EPSTI1: variants seen among roughly 807,000 people sequenced by gnomAD.
EPSTI1 encodes epithelial stromal interaction 1.
In EPSTI1, 66 loss-of-function variants were observed where a neutral mutation model predicts 49.9. The ratio of observed to expected loss-of-function variants is 1.32; its 90% CI spans 1.08 to 1.62. The LOEUF is 1.62. EPSTI1 is among the 40% of genes most tolerant of loss of function. The pLI, the probability that EPSTI1 is intolerant of heterozygous loss-of-function variation, is 0.00. For missense variants in EPSTI1, 394 were observed against 365.5 expected (o/e 1.08, Z -0.64); for synonymous variants, 137 against 130.7 (o/e 1.05, Z -0.33).
intron 1 of EPSTI1, among the ~76,000 whole-genome samples, chr13:42,974,900 A>G (rs903294238): frequency 1.3e-5 from 2 of 152,336 alleles, no homozygotes; most frequent in Admixed American, 1.3e-4. Context: ...GGTTTGACAG[A>G]AAAAGAAATG....
At position 42,964,025 on chromosome 13, in the gene EPSTI1, T is replaced by C. The variant is rs199553258; in HGVS notation, c.405+41A>G. 6.4e-6 allele frequency: 10 copies of C among 1,555,968 alleles called. No homozygotes were observed. The East Asian group carries it at 1.1e-4, about 18-fold the overall frequency. ...AGTTACTTGTAAGAGCTGGTACTCA[T>C]ATTCCTTACCAAAATTCAACTAAAA... On this transcript the variant is annotated intron_variant, in intron 4 of 10. Coordinates refer to ENST00000313624, the MANE Select transcript of EPSTI1 (RefSeq NM_033255.5).
rs768077727 is a variant in EPSTI1, at chr13:42,969,099, C to T, written c.326G>A (p.Arg109Gln). The part of the protein sequence containing the change: ...RAKPVHLVPR[R>Q]LGGSQSETEV... ...CAGCGGCTGTGCTTGCTTACCTAGC[C>T]GTCTGGGCACCAGGTGAACCGGTTT... The change falls in exon 3 of 11, where the codon CGG (arginine) becomes CAG (glutamine). Residue 109 changes from arginine (R) to glutamine (Q), a missense_variant. Coordinates refer to ENST00000313624, the MANE Select transcript of EPSTI1 (RefSeq NM_033255.5). The T allele has an allele frequency of 1.9e-6, 3 of 1,614,030 alleles. No individual in the cohort carries two copies. The highest frequency in any genetic ancestry group is 1.1e-5 in the South Asian group (1 of 91,078).
chr13:42,932,826 G>T (rs1330775039), intron 6 of EPSTI1, among the ~76,000 whole-genome samples: 1 of 152,150 alleles, frequency 6.6e-6, no homozygotes, highest in African/African-American at 2.4e-5. Flanking sequence ...TAAGGATACT[G>T]ATCATCATGT....
intron 6 of EPSTI1, among the ~76,000 whole-genome samples, chr13:42,939,689 C>G (rs947459712): frequency 5.9e-5 from 9 of 152,064 alleles, no homozygotes; most frequent in Admixed American, 4.6e-4. Flanking sequence ...TCATGGATCA[C>G]CAAATCAGAT....
In EPSTI1 at chr13:42,895,049, T is replaced by C; in HGVS notation, c.875A>G (p.Gln292Arg). 6.2e-7 allele frequency: 1 copy of C among 1,613,580 alleles called. No individual in the cohort carries two copies. Among genetic ancestry groups the C allele is most frequent in the Non-Finnish European group, 8.5e-7 (1 of 1,179,706 alleles). Residue 292 changes from glutamine to arginine, a missense_variant, in exon 10 of 11, where the codon CAA (glutamine) becomes CGA (arginine). Transcript: ENST00000313624. ...QGKSQPGGLE[Q>R]SGGCWNMNSG... ...ATTCATATTCCAACAGCCTCCAGAT[T>C]GCTCGAGGCCACCTGGTTGACTTTT...
Position 42,969,117 on chromosome 13 carries a change from A to G in EPSTI1, c.308T>C (p.Val103Ala). ...KWKEQNRAKP[V>A]HLVPRRLGGS... ...ACCTAGCCGTCTGGGCACCAGGTGA[A>G]CCGGTTTAGCTCTGTTCTGCTCCTT... The change falls in exon 3 of 11, where the codon GTT becomes GCT. Residue 103 changes from valine to alanine, a missense_variant. Coordinates refer to ENST00000313624, the MANE Select transcript of EPSTI1 (RefSeq NM_033255.5). 1 of 1,614,136 alleles carries G rather than the reference A, an allele frequency of 6.2e-7. No homozygotes were observed. Among genetic ancestry groups the G allele is most frequent in the Non-Finnish European group, 8.5e-7 (1 of 1,180,026 alleles).
rs2281812 is a variant in EPSTI1 at position 42,887,283 on chromosome 13, C to T, written c.*1211G>A. On this transcript the variant is annotated 3_prime_UTR_variant, in exon 11 of 11. Transcript: ENST00000313624. ...CCTGACACCATCTGTTCTCTGTTAC[C>T]CCCCACCCACCAATGTGGCCCTTTC... is the stretch of plus-strand genomic sequence containing the variant. The T allele has an allele frequency of 0.25, 38,164 of 152,042 alleles. 5,216 individuals are homozygous for T. The highest frequency in any genetic ancestry group is 0.59 in the East Asian group (3,030 of 5,176). 9.4% of individuals were successfully genotyped at this position (152,042 alleles called of 1,614,324 possible). A position where few individuals can be genotyped will look rare whatever the true frequency, so the allele number is the denominator to read the frequency against.
intron 7 of EPSTI1, among the ~76,000 whole-genome samples, chr13:42,920,590 G>A (rs1263127038): frequency 1.3e-5 from 2 of 152,164 alleles, no homozygotes; most frequent in Non-Finnish European, 2.9e-5. Flanking sequence ...GATAGTCTCA[G>A]TAGAAGCCCT....
At chr13:42,910,686 T>G (rs1204467263) in intron 8 of EPSTI1, among the ~76,000 whole-genome samples, 3 of 152,232 alleles carry the variant, frequency 2.0e-5, no homozygotes, top group Non-Finnish European at 4.4e-5. Flanking sequence ...ATTTTTAGTT[T>G]TATCAAGTTG....
intron 10 of EPSTI1, among the ~76,000 whole-genome samples, chr13:42,891,295 T>A (rs960270300): frequency 1.3e-5 from 2 of 152,232 alleles, no homozygotes; most frequent in African/African-American, 4.8e-5. Context: ...TTCTAGACAT[T>A]TGAAATAATC....
chr13:42,977,946 C>A (rs549159661), intron 1 of EPSTI1, among the ~76,000 whole-genome samples: 13 of 152,090 alleles, frequency 8.5e-5, no homozygotes, highest in African/African-American at 2.9e-4. Flanking sequence ...GTCAGGAGAT[C>A]GAGACCATCC....
At chr13:42,928,183 G>A (rs2038244409) in intron 6 of EPSTI1, among the ~76,000 whole-genome samples, 1 of 152,202 alleles carries the variant, frequency 6.6e-6, no homozygotes, top group Non-Finnish European at 1.5e-5. Context: ...GGCCTGCAGA[G>A]TATGCGGATT....
At chr13:42,937,060 C>CAA (rs60924878) in intron 6 of EPSTI1, among the ~76,000 whole-genome samples, 5 of 151,830 alleles carry the variant, frequency 3.3e-5, no homozygotes, top group South Asian at 4.2e-4. Context: ...CAGACCACTG[C>CAA]AAAAAAAGCA....
chr13:42,978,434 T>G (rs1419856678), intron 1 of EPSTI1, among the ~76,000 whole-genome samples: 2 of 152,212 alleles, frequency 1.3e-5, no homozygotes, highest in Non-Finnish European at 2.9e-5. Flanking sequence ...AGTTTCTGAT[T>G]CGCCTTTCCA....
chr13:42,922,693 C>T lies in EPSTI1; in HGVS notation c.657+3643G>A, dbSNP rs1482025240. ...TGCGGTGGAAGTGGGATTCAAGCGG[C>T]GCAAAGGGACACATGTTAAGTACTT... On this transcript the variant is annotated intron_variant, in intron 7 of 10. Transcript: ENST00000313624. This position sits in a 1 kb window ranked among gnomAD's most constrained non-coding sequence, Gnocchi z 4.8. Among the ~76,000 whole-genome samples the T allele has an allele frequency of 6.6e-6, 1 of 152,024 alleles. No homozygotes were observed. The highest frequency in any genetic ancestry group is 2.4e-5 in the African/African-American group (1 of 41,408).
chr13:42,981,514 T>C (rs1296935449), intron 1 of EPSTI1, among the ~76,000 whole-genome samples: 2 of 152,220 alleles, frequency 1.3e-5, no homozygotes, highest in Admixed American at 6.5e-5. Flanking sequence ...TGAACAAAAA[T>C]GATTGCTCCC....
At chr13:42,976,760 G>C (rs924081015) in intron 1 of EPSTI1, among the ~76,000 whole-genome samples, 2 of 152,074 alleles carry the variant, frequency 1.3e-5, no homozygotes, top group Non-Finnish European at 1.5e-5. Flanking sequence ...ACTTGTAAAA[G>C]AAAATTCAGA....
intron 5 of EPSTI1, among the ~76,000 whole-genome samples, chr13:42,957,805 G>A (rs918512198): frequency 2.0e-5 from 3 of 152,196 alleles, no homozygotes; most frequent in Admixed American, 6.5e-5. Context: ...GAACTCCTGG[G>A]ATCAAGCAAT....
At position 42,964,123 on chromosome 13, in the gene EPSTI1, T is replaced by C; in HGVS notation, c.348A>G (p.Glu116=). 6.2e-7 allele frequency: 1 copy of C among 1,613,526 alleles called. No individual in the cohort carries two copies. Among genetic ancestry groups the C allele is most frequent in the Non-Finnish European group, 8.5e-7 (1 of 1,179,736 alleles). The change falls in exon 4 of 11, where the codon GAA becomes GAG. Residue 116 remains glutamate, a synonymous_variant. Transcript: ENST00000313624. ...VPRRLGGSQS[E]TEVRQKQQLQ... is the part of the protein sequence containing the mutation. ...GTTGTTGTTTCTGTCTGACTTCAGT[T>C]TCTGACTGGCTTCCACCTTAGGAAA...
Sources: allele counts gnomAD v4.1 joint callset (sites outside exome capture counted in the v4.1 genomes callset), GRCh38; gene constraint gnomAD v4.1.1; non-coding constraint Gnocchi (gnomAD v3.1); transcripts MANE v1.5; gene names NCBI Gene and HGNC (gene_info 2026-07-23, HGNC 2026-07-21).